Variants in TGIF2 observed in about 807,000 individuals in gnomAD.
The protein encoded by TGIF2 is homeobox protein TGIF2.
Under a neutral mutation model 15.1 loss-of-function variants are expected in TGIF2, and 5 were observed. The ratio of observed to expected loss-of-function variants is 0.33; its 90% confidence interval spans 0.17 to 0.70. TGIF2 has a LOEUF of 0.70. Among genes scored for constraint, TGIF2 ranks in the 30% least tolerant of loss-of-function variants. The pLI is 0.67. For synonymous variants in TGIF2, 131 were observed against 128.9 expected (o/e 1.02, Z -0.11); for missense variants, 264 against 302.5 (o/e 0.87, Z 0.94).
chr20:36,582,445 C>A (rs991199495), intron 2 of TGIF2, among the ~76,000 whole-genome samples: 1 of 151,998 alleles, frequency 6.6e-6, no homozygotes, highest in Non-Finnish European at 1.5e-5. Flanking sequence ...CGTGACATTC[C>A]ACCTGACTGT....
chr20:36,589,249 C>G (rs1049265341), intron 2 of TGIF2, among the ~76,000 whole-genome samples: 1 of 152,162 alleles, frequency 6.6e-6, no homozygotes, highest in African/African-American at 2.4e-5. Flanking sequence ...GCACTATAAG[C>G]TCCACAGGGT....
At position 36,574,566 on chromosome 20, in the gene TGIF2, A is replaced by G. The variant is rs925874626; in HGVS notation, c.-35+821A>G. The G allele has an allele frequency of 2.6e-5, 4 of 152,140 alleles. No homozygotes were observed. In the East Asian group the frequency reaches 7.8e-4, roughly 29 times the overall value. 9.4% of individuals were successfully genotyped at this position (152,140 alleles called of 1,614,324 possible). On this transcript the variant is annotated intron_variant, in intron 1 of 2. Coordinates refer to ENST00000373872, the MANE Select transcript of TGIF2 (RefSeq NM_021809.7). ...ACGCTCCGCCGTCCCCGCGCCCCGA[A>G]GAGTCGGCCAGCCCCGAACTGCCGG...
intron 1 of TGIF2, among the ~76,000 whole-genome samples, chr20:36,576,907 G>A (rs1467156865): frequency 6.6e-6 from 1 of 152,180 alleles, no homozygotes; most frequent in African/African-American, 2.4e-5. Context: ...GTTTCACCGT[G>A]TTGCCCAGGC....
At chr20:36,574,484 C>G (rs1198404368) in intron 1 of TGIF2, 1 of 151,472 alleles carries the variant, frequency 6.6e-6, no homozygotes, top group Non-Finnish European at 1.5e-5. Flanking sequence ...GCCCCCTCCC[C>G]TCCCTTCCCC....
Position 36,591,459 on chromosome 20 carries a change from T to C in TGIF2, c.*28T>C. On this transcript the variant is annotated 3_prime_UTR_variant, in exon 3 of 3. Transcript: ENST00000373872. This position sits in a 1 kb window ranked among gnomAD's most constrained non-coding sequence, Gnocchi z 5.3. The stretch of plus-strand genomic sequence containing the variant: ...ATCTGCCAAGAAGGGTGCTGAAGGC[T>C]CCAGCCAGCTGTCCTGGGTTTCCGT... 1 of 1,570,458 alleles carries C rather than the reference T, an allele frequency of 6.4e-7. No homozygotes were observed. The highest frequency in any genetic ancestry group is 1.4e-5 in the African/African-American group (1 of 73,298).
chr20:36,574,337 G>A (rs1206943519), intron 1 of TGIF2, among the ~76,000 whole-genome samples: 1 of 151,678 alleles, frequency 6.6e-6, no homozygotes, highest in Non-Finnish European at 1.5e-5. Flanking sequence ...GTTTGTTCGC[G>A]CCGGGACCCT....
At chr20:36,582,981 TTAAAACCCTTCAGGCCAGGCA>T (rs1453890144) in intron 2 of TGIF2, among the ~76,000 whole-genome samples, 1 of 152,136 alleles carries the variant, frequency 6.6e-6, no homozygotes, top group Admixed American at 6.6e-5. Context: ...ACTCCCCAAC[TTAAAACCCTTCAGGCCAGGCA>T]TGGTGGTTCG....
At chr20:36,574,485 T>G in intron 1 of TGIF2, 1 of 58,330 alleles carries the variant, frequency 1.7e-5, no homozygotes, top group Non-Finnish European at 3.9e-5. Flanking sequence ...CCCCCTCCCC[T>G]CCCTTCCCCT....
chr20:36,584,139 A>G (rs1600775885), intron 2 of TGIF2, among the ~76,000 whole-genome samples: 1 of 152,014 alleles, frequency 6.6e-6, no homozygotes, highest in East Asian at 1.9e-4. Context: ...TACATCTTGA[A>G]CCTCAACCCT....
Position 36,593,678 on chromosome 20 carries a change from G to C in TGIF2, c.*2247G>C, listed in dbSNP as rs2038804608. ...CAGGATGCCTGTAGTAGGGAACTCTGGAAGTGTATTGGGCTGAGGTGGGAT... is the reference window on the plus strand; with the variant it reads ...CAGGATGCCTGTAGTAGGGAACTCTCGAAGTGTATTGGGCTGAGGTGGGAT... On this transcript the variant is annotated 3_prime_UTR_variant, in exon 3 of 3. Coordinates refer to ENST00000373872, the MANE Select transcript of TGIF2 (RefSeq NM_021809.7). 6.6e-6 allele frequency: 1 copy of C among 152,664 alleles called. No homozygotes were observed. The highest frequency in any genetic ancestry group is 2.1e-4 in the South Asian group (1 of 4,832). The allele number at this position is 152,664 out of a possible 1,614,324, so 9.5% of individuals were successfully genotyped here.
At chr20:36,590,540 AGACATAGTAAGT>A (rs2038748449) in intron 2 of TGIF2, among the ~76,000 whole-genome samples, 1 of 30,252 alleles carries the variant, frequency 3.3e-5, no homozygotes, top group Admixed American at 3.4e-4. Context: ...TGGGGTCCTG[AGACATAGTAAGT>A]GCTTCATAGC....
Position 36,593,350 on chromosome 20 carries a change from A to G in TGIF2, c.*1919A>G, listed in dbSNP as rs977502520. 1.3e-5 allele frequency: 2 copies of G among 152,218 alleles called. No homozygotes were observed. Among genetic ancestry groups the G allele is most frequent in the African/African-American group, 2.4e-5 (1 of 41,442 alleles). 9.4% of individuals were successfully genotyped at this position (152,218 alleles called of 1,614,324 possible). On this transcript the variant is annotated 3_prime_UTR_variant, in exon 3 of 3. Coordinates refer to ENST00000373872, the MANE Select transcript of TGIF2 (RefSeq NM_021809.7). The stretch of plus-strand genomic sequence containing the variant: ...CTGGGAAGATCCCTGAAGCCATCAC[A>G]GAGGCTCCCCAACTTCTGAGTCGCC...
At chr20:36,587,055 CCTT>C (rs1305700873) in intron 2 of TGIF2, among the ~76,000 whole-genome samples, 1 of 152,188 alleles carries the variant, frequency 6.6e-6, no homozygotes, top group Non-Finnish European at 1.5e-5. Context: ...TTCACTTTGA[CCTT>C]CTTCCTACCA....
chr20:36,586,693 TC>T (rs5841237), intron 2 of TGIF2, among the ~76,000 whole-genome samples: 23 of 121,918 alleles, frequency 1.9e-4, no homozygotes, highest in South Asian at 5.4e-4. Context: ...AGACTCCATT[TC>T]CCCCCCCCCA....
rs1329287983 is a variant in TGIF2, at chr20:36,591,769, C to T, written c.*338C>T. 1 of 221,858 alleles carries T rather than the reference C, an allele frequency of 4.5e-6. No homozygotes were observed. The highest frequency in any genetic ancestry group is 2.3e-5 in the African/African-American group (1 of 44,276). The allele number at this position is 221,858 out of a possible 1,614,324, so 13.7% of individuals were successfully genotyped here. A position where few individuals can be genotyped will look rare whatever the true frequency, so the allele number is the denominator to read the frequency against. Reference sequence around the variant, plus strand: ...CCTGGGCTGGGCTCAGGAAAGCTGCCAAATTCAGTCCTATGTTGGGTCCAA... The same window carrying T: ...CCTGGGCTGGGCTCAGGAAAGCTGCTAAATTCAGTCCTATGTTGGGTCCAA... On this transcript the variant is annotated 3_prime_UTR_variant, in exon 3 of 3. Coordinates refer to ENST00000373872, the MANE Select transcript of TGIF2 (RefSeq NM_021809.7). The surrounding 1 kb of genome is among the most constrained non-coding windows in gnomAD (Gnocchi z 5.3).
chr20:36,581,603 A>G (rs2038547123), intron 2 of TGIF2, among the ~76,000 whole-genome samples: 1 of 152,076 alleles, frequency 6.6e-6, no homozygotes, highest in Non-Finnish European at 1.5e-5. Flanking sequence ...CAAACCTGAG[A>G]AATATACTAA....
intron 1 of TGIF2, among the ~76,000 whole-genome samples, chr20:36,578,135 A>G (rs2038469617): frequency 6.6e-6 from 1 of 152,236 alleles, no homozygotes; most frequent in Non-Finnish European, 1.5e-5. Context: ...AGTACAGGCC[A>G]GGCATGGTGG....
intron 2 of TGIF2, among the ~76,000 whole-genome samples, chr20:36,586,852 G>C (rs1396136539): frequency 6.6e-6 from 1 of 152,108 alleles, no homozygotes; most frequent in Admixed American, 6.6e-5. Context: ...AAAATGAGAG[G>C]GTTTCTGCCT....
chr20:36,573,483 GC>G (rs1298348789), upstream of TGIF2: 1 of 150,064 alleles, frequency 6.7e-6, no homozygotes, highest in Non-Finnish European at 1.5e-5. Flanking sequence ...CCGACGGCCC[GC>G]CCCGCGGGGG....
Sources: gnomAD v4.1 joint callset for allele counts (sites outside exome capture counted in the v4.1 genomes callset) on GRCh38, gnomAD v4.1.1 for gene constraint, Gnocchi (gnomAD v3.1) non-coding constraint, MANE v1.5 for transcripts, NCBI Gene and HGNC (gene_info 2026-07-23, HGNC 2026-07-21) for gene names.